The following SDK1 variants were observed in gnomAD, a reference collection of about 807,000 sequenced individuals.
The protein encoded by SDK1 is protein sidekick-1.
Under a neutral mutation model 245.5 loss-of-function variants are expected in SDK1, and 157 were observed. The ratio of observed to expected loss-of-function variants is 0.64; its 90% CI spans 0.56 to 0.73. The LOEUF (loss-of-function observed/expected upper bound fraction) is 0.73, where lower values mean the gene tolerates loss of function less well. SDK1 is among the 30% of genes least tolerant of loss of function. SDK1 has a pLI of 0.00. For synonymous variants in SDK1, 1,647 were observed against 1,278.5 expected, an observed-to-expected ratio of 1.29 and a Z score of -6.15; for missense variants, 3,583 against 3,002.3, an observed-to-expected ratio of 1.19 and a Z score of -4.52.
At chr7:3,562,463 G>C (rs1779778072) in intron 1 of SDK1, among the ~76,000 whole-genome samples, 1 of 152,124 alleles carries the variant, frequency 6.6e-6, no homozygotes, top group South Asian at 2.1e-4. Flanking sequence ...ATAAAAGCTA[G>C]AGGGATGCAT....
At chr7:3,975,078 C>G (rs1782807753) in intron 13 of SDK1, among the ~76,000 whole-genome samples, 1 of 152,200 alleles carries the variant, frequency 6.6e-6, no homozygotes, top group Admixed American at 6.5e-5. Flanking sequence ...CCAATCTGGA[C>G]CTTCCTGGGG....
At chr7:3,569,458 A>G (rs1469203277) in intron 1 of SDK1, among the ~76,000 whole-genome samples, 1 of 152,244 alleles carries the variant, frequency 6.6e-6, no homozygotes. Context: ...TCTCTTGAGA[A>G]GTCTGGAGGA....
intron 41 of SDK1, 43 bp downstream of exon 41, chr7:4,233,462 A>C (rs779429735): frequency 2.4e-4 from 376 of 1,581,360 alleles, no homozygotes; most frequent in Non-Finnish European, 3.2e-4. Flanking sequence ...GGAGGACTAG[A>C]GGGAGAAATG....
At chr7:4,080,981 A>G (rs972457404) in intron 22 of SDK1, among the ~76,000 whole-genome samples, 3 of 152,250 alleles carry the variant, frequency 2.0e-5, no homozygotes, top group Non-Finnish European at 2.9e-5. Flanking sequence ...ACAATGTCTC[A>G]TGAAAACCAA....
chr7:3,480,913 TCTTC>T (rs1398448468), intron 1 of SDK1, among the ~76,000 whole-genome samples: 2 of 152,224 alleles, frequency 1.3e-5, no homozygotes, highest in Non-Finnish European at 2.9e-5. Context: ...GGTACATCTT[TCTTC>T]CTTCTTTTAA....
At chr7:3,330,384 A>T (rs1039147457) in intron 1 of SDK1, among the ~76,000 whole-genome samples, 1 of 152,098 alleles carries the variant, frequency 6.6e-6, no homozygotes, top group East Asian at 1.9e-4. Context: ...TGTTCCCTAA[A>T]TTTTATGTGT....
intron 1 of SDK1, among the ~76,000 whole-genome samples, chr7:3,449,466 G>A (rs1780446933): frequency 6.6e-6 from 1 of 152,030 alleles, no homozygotes; most frequent in Admixed American, 6.6e-5. Context: ...CTAGCCAGGA[G>A]TGGCTTGAAG....
At chr7:3,898,486 A>G (rs760223681) in intron 5 of SDK1, among the ~76,000 whole-genome samples, 15 of 152,186 alleles carry the variant, frequency 9.9e-5, no homozygotes, top group Non-Finnish European at 1.6e-4. Context: ...TGGAACAATG[A>G]AAATTACTCA....
chr7:4,010,070 C>T (rs924947357), intron 14 of SDK1, among the ~76,000 whole-genome samples: 1 of 152,202 alleles, frequency 6.6e-6, no homozygotes, highest in Non-Finnish European at 1.5e-5. Flanking sequence ...GGGACCTTAG[C>T]GCCACTTCAG....
intron 1 of SDK1, among the ~76,000 whole-genome samples, chr7:3,403,850 TATATATATATATATATATA>T (rs1310693850): frequency 4.1e-5 from 4 of 96,568 alleles, no homozygotes; most frequent in South Asian, 6.6e-4. Context: ...TATATATATA[TATATATATATATATATATA>T]ATATATATAT....
At chr7:3,539,355 TAGAC>T (rs752341915) in intron 1 of SDK1, among the ~76,000 whole-genome samples, 16 of 152,182 alleles carry the variant, frequency 1.1e-4, no homozygotes, top group South Asian at 6.2e-4. Flanking sequence ...GGTAGGTAGA[TAGAC>T]AGAGCTTAAA....
At chr7:3,877,006 C>A (rs1583502328) in intron 5 of SDK1, among the ~76,000 whole-genome samples, 2 of 152,208 alleles carry the variant, frequency 1.3e-5, no homozygotes, top group African/African-American at 4.8e-5. Context: ...TGCCCCTCTC[C>A]CATATTTCCT....
intron 1 of SDK1, among the ~76,000 whole-genome samples, chr7:3,517,368 C>G (rs1004533303): frequency 6.6e-6 from 1 of 152,096 alleles, no homozygotes; most frequent in African/African-American, 2.4e-5. Context: ...TAGTGTACTT[C>G]ATTTCCTCTT....
At chr7:3,935,474 A>C (rs536351783) in intron 5 of SDK1, among the ~76,000 whole-genome samples, 2 of 152,234 alleles carry the variant, frequency 1.3e-5, no homozygotes, top group Non-Finnish European at 2.9e-5. Context: ...TTTGCAAATC[A>C]CATATATAAT....
intron 1 of SDK1, among the ~76,000 whole-genome samples, chr7:3,479,224 C>A (rs955440061): frequency 6.6e-6 from 1 of 151,768 alleles, no homozygotes; most frequent in Non-Finnish European, 1.5e-5. Context: ...GAGTTCGAGA[C>A]CATCCTGGCC....
chr7:3,881,258 C>T (rs1291191009), intron 5 of SDK1, among the ~76,000 whole-genome samples: 1 of 152,102 alleles, frequency 6.6e-6, no homozygotes, highest in Admixed American at 6.6e-5. Context: ...CCCTCCCCTA[C>T]CCATGCAACA....
chr7:4,074,909 TATA>T (rs1780551218), intron 20 of SDK1, among the ~76,000 whole-genome samples: 2 of 87,560 alleles, frequency 2.3e-5, no homozygotes, highest in African/African-American at 1.3e-4. Flanking sequence ...TATATATATA[TATA>T]TATATTTTTT....
rs748511162 is a variant in SDK1, at chr7:4,265,941, A to G, written c.*557A>G. On this transcript the variant is annotated 3_prime_UTR_variant, in exon 45 of 45. Transcript: ENST00000404826. ...CTTCATCTGTTTCTGAAATGTTCTC[A>G]CTTGGCAGTGTCTAGTCAAGGAGTC... 2 of 985,576 alleles carry G rather than the reference A, an allele frequency of 2.0e-6. No homozygotes were observed. Among genetic ancestry groups the G allele is most frequent in the Non-Finnish European group, 2.4e-6 (2 of 830,148 alleles). The allele number at this position is 985,576 out of a possible 1,614,324, so 61.1% of individuals were successfully genotyped here. A position where few individuals can be genotyped will look rare whatever the true frequency, so the allele number is the denominator to read the frequency against.
At chr7:3,511,954 C>G (rs1045723510) in intron 1 of SDK1, among the ~76,000 whole-genome samples, 5 of 150,228 alleles carry the variant, frequency 3.3e-5, no homozygotes, top group African/African-American at 1.2e-4. Flanking sequence ...ATTGATGAGC[C>G]TGTATTGACA....
Sources: gnomAD v4.1 joint callset for allele counts (sites outside exome capture counted in the v4.1 genomes callset) on GRCh38, gnomAD v4.1.1 for gene constraint, MANE v1.5 for transcripts, NCBI Gene and HGNC (gene_info 2026-07-23, HGNC 2026-07-21) for gene names.